Variants in PZP observed in about 807,000 individuals in gnomAD.
The protein encoded by PZP is pregnancy zone protein.
Under a neutral mutation model 179.8 loss-of-function variants are expected in PZP, and 150 were observed. The ratio of observed to expected loss-of-function variants is 0.83; its 90% confidence interval spans 0.73 to 0.96. The LOEUF (loss-of-function observed/expected upper bound fraction) is 0.96. PZP is among the 40% of genes least tolerant of loss of function. The pLI is 0.00. For missense variants in PZP, 1,689 were observed against 1,764.0 expected (o/e 0.96, Z 0.76); for synonymous variants, 624 against 652.3 (o/e 0.96, Z 0.66).
chr12:9,201,047 T>G lies in PZP; in HGVS notation c.515A>C (p.Asn172Thr). 1 of 1,614,042 alleles carries G rather than the reference T, an allele frequency of 6.2e-7. No homozygotes were observed. Among genetic ancestry groups the G allele is most frequent in the South Asian group, 1.1e-5 (1 of 91,052 alleles). ...PLIYLENPRRNRIAQWQSLKL... is the reference protein window; with the variant it reads ...PLIYLENPRRTRIAQWQSLKL... ...GAGACTCTGCCATTGTGCAATTCGA[T>G]TTCTTCTTGGGTTCTGAAGGGAAAC... The change falls in exon 6 of 36, where the codon AAT (asparagine) becomes ACT (threonine). Residue 172 changes from asparagine (N) to threonine (T), a missense_variant. Around this residue, in one of 3 missense-constraint regions of PZP, gnomAD observed 742 missense variants for 730.5 expected, o/e 1.02. Coordinates refer to ENST00000261336, the MANE Select transcript of PZP (RefSeq NM_002864.3).
chr12:9,181,064 A>G lies in PZP; in HGVS notation c.1758T>C (p.Ala586=), dbSNP rs754300936. 1 of 1,614,156 alleles carries G rather than the reference A, an allele frequency of 6.2e-7. No homozygotes were observed. Among genetic ancestry groups the G allele is most frequent in the Non-Finnish European group, 8.5e-7 (1 of 1,180,012 alleles). The change falls in exon 15 of 36, where the codon GCT becomes GCC. Residue 586 remains alanine (A), a synonymous_variant. Coordinates refer to ENST00000261336, the MANE Select transcript of PZP (RefSeq NM_002864.3). ...ASHAHLQVAA[A]PQSLCALRAV... is the part of the protein sequence containing the mutation. ...CACGAAGGGCACAGAGGGACTGCGG[A>G]GCAGCTGCTACTTGCAGGTGGGCAT...
intron 18 of PZP, among the ~76,000 whole-genome samples, chr12:9,165,616 T>A (rs956936229): frequency 6.6e-6 from 1 of 152,184 alleles, no homozygotes; most frequent in Non-Finnish European, 1.5e-5. Flanking sequence ...AATAAAAATA[T>A]TTGAATTGCG....
chr12:9,147,367 C>G (rs971970223), downstream of PZP, among the ~76,000 whole-genome samples: 2 of 152,188 alleles, frequency 1.3e-5, no homozygotes, highest in Admixed American at 1.3e-4. Flanking sequence ...GTAACCCCTT[C>G]TCTCCCCTAA....
rs2120825501 is a variant in PZP, at chr12:9,170,427, G to A, written c.1840-836C>T. Among the ~76,000 whole-genome samples, 1 of 152,296 alleles carries A rather than the reference G, an allele frequency of 6.6e-6. No homozygotes were observed. Among genetic ancestry groups the A allele is most frequent in the Middle Eastern group, 3.4e-3 (1 of 294 alleles). On this transcript the variant is annotated intron_variant, in intron 15 of 35. Coordinates refer to ENST00000261336, the MANE Select transcript of PZP (RefSeq NM_002864.3). This position sits in a 1 kb window ranked among gnomAD's most constrained non-coding sequence, Gnocchi z 4.6. ...ATCCGGCCCTGGGATCCCTGGAAAG[G>A]CAGGAAATCTGTTTGTATATATCCC...
chr12:9,206,725 GA>G (rs1396556874), intron 1 of PZP, among the ~76,000 whole-genome samples: 1 of 152,042 alleles, frequency 6.6e-6, no homozygotes, highest in Non-Finnish European at 1.5e-5. Context: ...TATAAAGGGA[GA>G]AAACACCCCT....
chr12:9,204,802 C>A (rs1210605489), intron 1 of PZP, among the ~76,000 whole-genome samples: 1 of 151,804 alleles, frequency 6.6e-6, no homozygotes, highest in Non-Finnish European at 1.5e-5. Context: ...TAAAAAAAAA[C>A]AAACAGGTTC....
rs200823093 is a variant in PZP, at chr12:9,164,192, T to C, written c.2555A>G (p.Tyr852Cys). 2.0e-5 allele frequency: 32 copies of C among 1,609,012 alleles called. No individual in the cohort carries two copies. The highest frequency in any genetic ancestry group is 2.6e-5 in the Non-Finnish European group (30 of 1,175,532). Residue 852 changes from tyrosine to cysteine, a missense_variant, in exon 20 of 36, where the codon TAT becomes TGT. Physicochemically the swap from Tyr to Cys is radical, Grantham distance 194. Transcript: ENST00000261336. ...TTGTCTCTCATTTCCACAGATACAA[T>C]AGGATTCTTCTCCCTTTGTATTTTG... ...ASQNTKGEES[Y>C]CICGNERQTL...
intron 15 of PZP, among the ~76,000 whole-genome samples, chr12:9,174,345 A>G (rs1332770228): frequency 6.6e-6 from 1 of 152,198 alleles, no homozygotes; most frequent in Non-Finnish European, 1.5e-5. Flanking sequence ...GCCATATATG[A>G]CAAACACACA....
At chr12:9,163,540 G>T in intron 21 of PZP, 128 bp downstream of exon 21, 1 of 1,092,362 alleles carries the variant, frequency 9.2e-7, no homozygotes, top group Non-Finnish European at 1.3e-6. Flanking sequence ...TGCTTTTAGG[G>T]CAGGAAATTC....
intron 23 of PZP, among the ~76,000 whole-genome samples, 200 bp from the exon 24 acceptor site, chr12:9,160,690 G>A (rs1469337659): frequency 1.3e-5 from 2 of 152,068 alleles, no homozygotes; most frequent in Non-Finnish European, 1.5e-5. Context: ...CGAGGCGGGC[G>A]GATCATGAGG....
rs747679761 is a variant in PZP, at chr12:9,168,780, A to T, written c.2107+89T>A. 98 of 967,142 alleles carry T rather than the reference A, an allele frequency of 1.0e-4. 1 individual carries two copies. The East Asian group carries it at 1.9e-3, about 19-fold the overall frequency. The allele number at this position is 967,142 out of a possible 1,614,324, so 59.9% of individuals were successfully genotyped here. On this transcript the variant is annotated intron_variant, in intron 17 of 35. Transcript: ENST00000261336. ...TGGTTTCTTTGTGTGTATAAAGTGG[A>T]AATAGGGCTACATTACCTCATTTTA...
rs146641269 is a variant in PZP, at chr12:9,204,050, T to C, written c.84-99A>G. The C allele has an allele frequency of 1.9e-5, 22 of 1,180,930 alleles. No homozygotes were observed. In the African/African-American group the frequency reaches 3.4e-4, roughly 18 times the overall value. 73.2% of individuals were successfully genotyped at this position (1,180,930 alleles called of 1,614,324 possible). A position where few individuals can be genotyped will look rare whatever the true frequency, so the allele number is the denominator to read the frequency against. ...TAACAATATGTATTAATTGGTGCAATCAGTTTTATTCTAAAAGTCAATGGA... is the reference window on the plus strand; with the variant it reads ...TAACAATATGTATTAATTGGTGCAACCAGTTTTATTCTAAAAGTCAATGGA... On this transcript the variant is annotated intron_variant, in intron 1 of 35. Coordinates refer to ENST00000261336, the MANE Select transcript of PZP (RefSeq NM_002864.3).
intron 1 of PZP, among the ~76,000 whole-genome samples, chr12:9,206,313 G>A (rs1055042292): frequency 8.6e-5 from 13 of 151,362 alleles, no homozygotes; most frequent in African/African-American, 2.4e-4. Context: ...AAGATATCAC[G>A]ATTAAAAATT....
At chr12:9,183,348 A>C (rs1942897546) in intron 13 of PZP, among the ~76,000 whole-genome samples, 1 of 152,200 alleles carries the variant, frequency 6.6e-6, no homozygotes, top group South Asian at 2.1e-4. Context: ...TCACTATAGT[A>C]GTCATTTTAT....
Position 9,192,667 on chromosome 12 carries a change from T to G in PZP, c.1327A>C (p.Thr443Pro). The change falls in exon 12 of 36, where the codon ACT becomes CCT. Residue 443 changes from threonine to proline, a missense_variant. Physicochemically the swap from Thr to Pro is conservative, Grantham distance 38. Transcript: ENST00000261336. ...CTTAAGGAGAAAACACGATTTGCAG[T>G]GTGCTGAGCACCCTGGTGGTCTTCT... ...VAEDHQGAQH[T>P]ANRVFSLSGS... The G allele has an allele frequency of 6.2e-7, 1 of 1,614,078 alleles. No homozygotes were observed. The highest frequency in any genetic ancestry group is 8.5e-7 in the Non-Finnish European group (1 of 1,179,906).
intron 15 of PZP, among the ~76,000 whole-genome samples, chr12:9,171,152 G>C (rs1294597785): frequency 1.3e-5 from 2 of 152,190 alleles, no homozygotes; most frequent in African/African-American, 4.8e-5. Context: ...GAAGGCACAG[G>C]CTGCCATCTT....
Position 9,196,320 on chromosome 12 carries a change from C to T in PZP, c.1092+10G>A, listed in dbSNP as rs1316011754. The T allele has an allele frequency of 1.9e-6, 3 of 1,581,036 alleles. No individual in the cohort carries two copies. Among genetic ancestry groups the T allele is most frequent in the Non-Finnish European group, 2.6e-6 (3 of 1,150,628 alleles). On this transcript the variant is annotated intron_variant, in intron 10 of 35. Transcript: ENST00000261336. ...TACTTTGCTTACCTGTGCATTACAA[C>T]ATATCTTACCTGTGCAAAAAAGGGG... is the stretch of plus-strand genomic sequence containing the variant.
At chr12:9,179,124 T>A (rs765939301) in intron 15 of PZP, among the ~76,000 whole-genome samples, 5 of 152,214 alleles carry the variant, frequency 3.3e-5, no homozygotes, top group African/African-American at 4.8e-5. Context: ...TTTTCTTGCA[T>A]TATGTTAAAA....
Position 9,169,510 on chromosome 12 carries a change from G to A in PZP, c.1921C>T (p.Pro641Ser), listed in dbSNP as rs752843410. The A allele has an allele frequency of 6.2e-7, 1 of 1,612,906 alleles. No individual in the cohort carries two copies. The highest frequency in any genetic ancestry group is 8.5e-7 in the Non-Finnish European group (1 of 1,179,154). The change falls in exon 16 of 36, where the codon CCC becomes TCC. Residue 641 changes from proline to serine, a missense_variant. Transcript: ENST00000261336. ...DQQEEEQGHC[P>S]RPFFIHNGAI... ...CCATTATGAATGAAGAAAGGACGGG[G>A]ACAGTGTCCTTGTTCTTCCTCCTGC...
Sources: gnomAD v4.1 joint callset for allele counts (sites outside exome capture counted in the v4.1 genomes callset) on GRCh38, gnomAD v4.1.1 for gene constraint, gnomAD v4.1.1 regional missense constraint, Gnocchi (gnomAD v3.1) non-coding constraint, MANE v1.5 for transcripts, NCBI Gene and HGNC (gene_info 2026-07-23, HGNC 2026-07-21) for gene names.